Variants in SFT2D2 observed in about 807,000 individuals in gnomAD.
SFT2D2 encodes the protein vesicle transport protein SFT2B.
SFT2D2 carries 21 observed loss-of-function variants against 27.4 expected under a neutral mutation model. That is an observed-to-expected ratio of 0.77 (90% CI 0.54 to 1.10). The LOEUF (loss-of-function observed/expected upper bound fraction) is 1.10. Ranked by LOEUF, SFT2D2 falls within the 50% of genes least tolerant of loss-of-function variation. The probability of loss-of-function intolerance (pLI) is 0.00; values close to 1 mark genes in which losing one functional copy is unlikely to be tolerated. For missense variants in SFT2D2, 187 were observed against 194.2 expected (o/e 0.96, Z 0.22); for synonymous variants, 72 against 71.7 (o/e 1.00, Z -0.02).
intron 6 of SFT2D2, 80 bp downstream of exon 6, chr1:168,236,850 G>GGGT: frequency 6.8e-7 from 1 of 1,461,924 alleles, no homozygotes; most frequent in East Asian, 2.3e-5. Flanking sequence ...CACATATTGT[G>GGGT]GGTGGGAGAA....
chr1:168,226,719 GACC>G (rs1207206620), intron 1 of SFT2D2, among the ~76,000 whole-genome samples: 1 of 152,202 alleles, frequency 6.6e-6, no homozygotes, highest in Non-Finnish European at 1.5e-5. Context: ...TGAGGACAGG[GACC>G]ACATCTTGTG....
Position 168,251,355 on chromosome 1 carries a change from T to C in SFT2D2, c.*8815T>C, listed in dbSNP as rs1204329174. On this transcript the variant is annotated 3_prime_UTR_variant, in exon 8 of 8. Coordinates refer to ENST00000271375, the MANE Select transcript of SFT2D2 (RefSeq NM_199344.3). ...AAAAAATCACTTTTTGATACTTCTGTTAAAATAGATAATAAGGAACCATAT... is the reference window on the plus strand; with the variant it reads ...AAAAAATCACTTTTTGATACTTCTGCTAAAATAGATAATAAGGAACCATAT... The C allele has an allele frequency of 7.2e-5, 11 of 152,136 alleles. No homozygotes were observed. The highest frequency in any genetic ancestry group is 1.5e-5 in the Non-Finnish European group (1 of 68,008). 9.4% of individuals were successfully genotyped at this position (152,136 alleles called of 1,614,324 possible).
chr1:168,242,411 C>T (rs1263555808), intron 7 of SFT2D2, 90 bp from the exon 8 acceptor site: 2 of 1,416,606 alleles, frequency 1.4e-6, no homozygotes, highest in East Asian at 4.6e-5. Flanking sequence ...TAGGTGCTTT[C>T]TACTCTGCAG....
intron 1 of SFT2D2, among the ~76,000 whole-genome samples, chr1:168,228,023 AT>A (rs1471232722): frequency 6.6e-6 from 1 of 152,224 alleles, no homozygotes; most frequent in Non-Finnish European, 1.5e-5. Context: ...GTTGGATCTA[AT>A]TTAAAAAGAA....
At position 168,251,901 on chromosome 1, in the gene SFT2D2, T is replaced by C. The variant is rs990955905; in HGVS notation, c.*9361T>C. ...TTTATTTTAAAAGTTTGTTGGGAGG[T>C]AAAATTGTGTGACTTTACCTTCTGG... On this transcript the variant is annotated 3_prime_UTR_variant, in exon 8 of 8. Transcript: ENST00000271375. The C allele has an allele frequency of 1.3e-5, 2 of 152,110 alleles. No homozygotes were observed. Among genetic ancestry groups the C allele is most frequent in the Non-Finnish European group, 2.9e-5 (2 of 68,022 alleles). 9.4% of individuals were successfully genotyped at this position (152,110 alleles called of 1,614,324 possible). A position where few individuals can be genotyped will look rare whatever the true frequency, so the allele number is the denominator to read the frequency against.
In SFT2D2 at chr1:168,231,514, G is replaced by A. The variant is rs926912333; in HGVS notation, c.64G>A (p.Val22Ile). 33 of 1,610,740 alleles carry A rather than the reference G, an allele frequency of 2.0e-5. No homozygotes were observed. Among genetic ancestry groups the A allele is most frequent in the Non-Finnish European group, 2.7e-5 (32 of 1,178,464 alleles). ...TGTATTTTTTTTTTTTCAATTTTAG[G>A]TTGTTGAGGCATCTTCATTAAGCTG... ...DTEDRSGLSE[V>I]VEASSLSWST... is the part of the protein sequence containing the mutation. The change falls in exon 2 of 8, where the codon GTT becomes ATT. Residue 22 changes from valine (V) to isoleucine (I), a missense_variant and splice_region_variant. By Grantham distance (29) the Val-to-Ile change is conservative. Coordinates refer to ENST00000271375, the MANE Select transcript of SFT2D2 (RefSeq NM_199344.3).
chr1:168,238,129 A>G (rs1647554777), intron 6 of SFT2D2, among the ~76,000 whole-genome samples: 1 of 152,166 alleles, frequency 6.6e-6, no homozygotes, highest in African/African-American at 2.4e-5. Flanking sequence ...CTTTAGCATT[A>G]TGGAGCCTGT....
chr1:168,246,316 G>A lies in SFT2D2; in HGVS notation c.*3776G>A. On this transcript the variant is annotated 3_prime_UTR_variant, in exon 8 of 8. Coordinates refer to ENST00000271375, the MANE Select transcript of SFT2D2 (RefSeq NM_199344.3). ...GCTTTGTTGTGAACATCATCCAGTTGCTGTTGAAGCAACATATTTTGTCTT... is the reference window on the plus strand; with the variant it reads ...GCTTTGTTGTGAACATCATCCAGTTACTGTTGAAGCAACATATTTTGTCTT... 1 of 433,480 alleles carries A rather than the reference G, an allele frequency of 2.3e-6. No homozygotes were observed. Among genetic ancestry groups the A allele is most frequent in the East Asian group, 5.4e-5 (1 of 18,526 alleles). 26.9% of individuals were successfully genotyped at this position (433,480 alleles called of 1,614,324 possible).
In SFT2D2 at chr1:168,245,376, T is replaced by C. The variant is rs139254206; in HGVS notation, c.*2836T>C. 1 of 152,256 alleles carries C rather than the reference T, an allele frequency of 6.6e-6. No individual in the cohort carries two copies. Among genetic ancestry groups the C allele is most frequent in the East Asian group, 1.9e-4 (1 of 5,188 alleles). 9.4% of individuals were successfully genotyped at this position (152,256 alleles called of 1,614,324 possible). ...TTTACAATAGCATTAAAATATAAAA[T>C]TCTTGGGAATAAACCCGACAAACTA... On this transcript the variant is annotated 3_prime_UTR_variant, in exon 8 of 8. Transcript: ENST00000271375.
chr1:168,236,511 G>T, intron 4 of SFT2D2, 78 bp from the exon 5 acceptor site: 1 of 1,413,524 alleles, frequency 7.1e-7, no homozygotes, highest in Non-Finnish European at 9.8e-7. Flanking sequence ...TTGTGCATTT[G>T]TGAAGAATAA....
At chr1:168,228,990 TCC>T (rs1373175408) in intron 1 of SFT2D2, among the ~76,000 whole-genome samples, 1 of 152,192 alleles carries the variant, frequency 6.6e-6, no homozygotes, top group Non-Finnish European at 1.5e-5. Flanking sequence ...GCTTCCTCCT[TCC>T]CTGACCAAGT....
chr1:168,238,135 C>A (rs755128898), intron 6 of SFT2D2, among the ~76,000 whole-genome samples: 2 of 152,062 alleles, frequency 1.3e-5, no homozygotes, highest in Non-Finnish European at 2.9e-5. Context: ...CATTATGGAG[C>A]CTGTTCCTTG....
chr1:168,231,457 C>A, intron 1 of SFT2D2, 57 bp from the exon 2 acceptor site: 1 of 1,420,772 alleles, frequency 7.0e-7, no homozygotes, highest in Admixed American at 1.7e-5. Context: ...TAGTTATGTG[C>A]TTGCTTTGTT....
In SFT2D2 at chr1:168,231,739, G is replaced by C. The variant is rs766848422; in HGVS notation, c.151-95G>C. ...GAGAGGGGAATAAGGGAGGTGGGGA[G>C]GGAAACGGACTCCTCAGGGCTTCCT... On this transcript the variant is annotated intron_variant, in intron 2 of 7. Coordinates refer to ENST00000271375, the MANE Select transcript of SFT2D2 (RefSeq NM_199344.3). 3.4e-6 allele frequency: 5 copies of C among 1,464,280 alleles called. No individual in the cohort carries two copies. In the African/African-American group the frequency reaches 7.0e-5, roughly 20 times the overall value. The allele number at this position is 1,464,280 out of a possible 1,614,324, so 90.7% of individuals were successfully genotyped here.
At position 168,236,777 on chromosome 1, in the gene SFT2D2, A is replaced by G. The variant is rs1647515623; in HGVS notation, c.413+7A>G. On this transcript the variant is annotated splice_region_variant and intron_variant, in intron 6 of 7. Coordinates refer to ENST00000271375, the MANE Select transcript of SFT2D2 (RefSeq NM_199344.3). ...AGTCTTTGGCATTGACGTGGTAAGT[A>G]ACCTTTTAAACAATCCCCTCCCACA... The G allele has an allele frequency of 1.2e-5, 20 of 1,613,718 alleles. No homozygotes were observed. The highest frequency in any genetic ancestry group is 1.7e-5 in the Non-Finnish European group (20 of 1,179,846).
In SFT2D2 at chr1:168,242,377, C is replaced by T. The variant is rs918048723; in HGVS notation, c.444-124C>T. 9 of 972,364 alleles carry T rather than the reference C, an allele frequency of 9.3e-6. No homozygotes were observed. The African/African-American group carries it at 1.3e-4, about 14-fold the overall frequency. The allele number at this position is 972,364 out of a possible 1,614,324, so 60.2% of individuals were successfully genotyped here. A position where few individuals can be genotyped will look rare whatever the true frequency, so the allele number is the denominator to read the frequency against. Reference sequence around the variant, plus strand: ...TAAATGTTGAAGCTGCAGTTTGATGCTGTGAAGGTCTGATCTTTCAGTCTA... The same window carrying T: ...TAAATGTTGAAGCTGCAGTTTGATGTTGTGAAGGTCTGATCTTTCAGTCTA... On this transcript the variant is annotated intron_variant, in intron 7 of 7. Transcript: ENST00000271375.
chr1:168,239,733 CA>C lies in SFT2D2; in HGVS notation c.443+574del, dbSNP rs557751106. On this transcript the variant is annotated intron_variant, in intron 7 of 7. Coordinates refer to ENST00000271375, the MANE Select transcript of SFT2D2 (RefSeq NM_199344.3). ...TTTTAGCTCTGAAATTCTAATACTC[CA>C]TACCTCTTTAAGCACTTTCAGTGAC... 6.3e-3 allele frequency among the ~76,000 whole-genome samples: 954 copies of C among 152,166 alleles called. 7 individuals carry two copies. Among genetic ancestry groups the C allele is most frequent in the African/African-American group, 0.021 (853 of 41,518 alleles).
Position 168,242,634 on chromosome 1 carries a change from A to C in SFT2D2, c.*94A>C. 3.5e-6 allele frequency: 5 copies of C among 1,440,590 alleles called. No homozygotes were observed. Among genetic ancestry groups the C allele is most frequent in the Non-Finnish European group, 4.9e-6 (5 of 1,022,714 alleles). The allele number at this position is 1,440,590 out of a possible 1,614,324, so 89.2% of individuals were successfully genotyped here. ...TCTTCGAAACCTCTGTCTTACAGAC[A>C]TGTGCCTTTTATCTTGCAGCAATGT... On this transcript the variant is annotated 3_prime_UTR_variant, in exon 8 of 8. Transcript: ENST00000271375.
At chr1:168,228,991 C>T (rs1040827248) in intron 1 of SFT2D2, among the ~76,000 whole-genome samples, 5 of 152,212 alleles carry the variant, frequency 3.3e-5, no homozygotes, top group Admixed American at 2.0e-4. Flanking sequence ...CTTCCTCCTT[C>T]CCTGACCAAG....
Sources: allele counts gnomAD v4.1 joint callset (sites outside exome capture counted in the v4.1 genomes callset), GRCh38; gene constraint gnomAD v4.1.1; transcripts MANE v1.5; gene names NCBI Gene and HGNC (gene_info 2026-07-23, HGNC 2026-07-21).